Variants in ANO1 observed in about 807,000 individuals in gnomAD.
ANO1 encodes anoctamin 1, also known as anoctamin-1.
In ANO1, 59 loss-of-function variants were observed where a neutral mutation model predicts 124.0. The ratio of observed to expected loss-of-function variants is 0.48; its 90% confidence interval spans 0.39 to 0.59. The LOEUF (loss-of-function observed/expected upper bound fraction) is 0.59. ANO1 is among the 20% of genes least tolerant of loss of function. The pLI is 0.00. For synonymous variants in ANO1, 529 were observed against 532.0 expected (o/e 0.99, Z 0.08); for missense variants, 1,059 against 1,328.0 (o/e 0.80, Z 3.15).
rs369086316 is a variant in ANO1 at position 70,085,355 on chromosome 11, C to T, written c.109-2397C>T. 1.0e-4 allele frequency: 146 copies of T among 1,438,524 alleles called. 1 individual carries two copies. The African/African-American group carries it at 1.6e-3, about 16-fold the overall frequency. The allele number at this position is 1,438,524 out of a possible 1,614,324, so 89.1% of individuals were successfully genotyped here. ...CTCCCAAGCCACCCACCCACATGGG[C>T]GTGGTCGTGGCCCCTAAGCACCCTC... On this transcript the variant is annotated intron_variant, in intron 1 of 25. Transcript: ENST00000355303.
At chr11:70,107,495 G>GAGGGGGGGGGGGGT (rs1565206946) in intron 5 of ANO1, among the ~76,000 whole-genome samples, 1 of 121,376 alleles carries the variant, frequency 8.2e-6, no homozygotes, top group African/African-American at 2.9e-5. Context: ...GGAGGCGGCG[G>GAGGGGGGGGGGGGT]GGCGGGGAAG....
At chr11:70,004,873 G>A (rs1290612441) in intron 1 of ANO1, among the ~76,000 whole-genome samples, 1 of 152,134 alleles carries the variant, frequency 6.6e-6, no homozygotes, top group East Asian at 1.9e-4. Flanking sequence ...AACACTTTGG[G>A]AGTCCCAGGT....
intron 15 of ANO1, among the ~76,000 whole-genome samples, chr11:70,156,499 C>G (rs773425888): frequency 6.6e-6 from 1 of 152,158 alleles, no homozygotes; most frequent in Non-Finnish European, 1.5e-5. Flanking sequence ...GTAGTGCTAG[C>G]TGCTTGTTTC....
intron 11 of ANO1, among the ~76,000 whole-genome samples, chr11:70,147,826 C>A (rs1172731765): frequency 6.6e-6 from 1 of 152,174 alleles, no homozygotes; most frequent in Admixed American, 6.5e-5. Flanking sequence ...TCCTGCCATC[C>A]TGAAACGGAT....
intron 1 of ANO1, among the ~76,000 whole-genome samples, chr11:70,031,935 C>T (rs1857009029): frequency 6.6e-6 from 1 of 152,186 alleles, no homozygotes; most frequent in Non-Finnish European, 1.5e-5. Flanking sequence ...GCACCGGTCC[C>T]CTCACTGGCA....
intron 1 of ANO1, among the ~76,000 whole-genome samples, chr11:70,062,333 T>A (rs574752258): frequency 9.9e-5 from 15 of 152,284 alleles, no homozygotes; most frequent in Non-Finnish European, 2.1e-4. Flanking sequence ...CGCTTCGGCC[T>A]CCCGCAGTGC....
At chr11:70,135,790 A>C (rs1164748167) in intron 11 of ANO1, among the ~76,000 whole-genome samples, 3 of 152,236 alleles carry the variant, frequency 2.0e-5, no homozygotes, top group African/African-American at 7.2e-5. Flanking sequence ...CTTGGGCTGT[A>C]ATGATCCCAT....
chr11:70,067,814 A>T (rs1274171421), intron 1 of ANO1, among the ~76,000 whole-genome samples: 1 of 151,960 alleles, frequency 6.6e-6, no homozygotes, highest in African/African-American at 2.4e-5. Flanking sequence ...GTTACCAGTG[A>T]CCGTTTAGGA....
the ANO1 span, among the ~76,000 whole-genome samples, chr11:69,966,888 G>A: frequency 8.6e-4 from 131 of 152,254 alleles, no homozygotes; most frequent in African/African-American, 3.1e-3. Flanking sequence ...CACCTTCTAG[G>A]GTGGCAAACA....
In ANO1 at chr11:70,163,321, G is replaced by A. The variant is rs371196052; in HGVS notation, c.1931G>A (p.Arg644His). 85 of 1,613,980 alleles carry A rather than the reference G, an allele frequency of 5.3e-5. 1 individual carries two copies. The South Asian group carries it at 6.5e-4, about 12-fold the overall frequency. ...GRPGDYVYIFRSFRMEECAPG... is the reference protein window; with the variant it reads ...GRPGDYVYIFHSFRMEECAPG... ...CCGGGCGACTACGTGTACATTTTCCGTTCCTTCCGAATGGAAGAGGTAACC... is the reference window on the plus strand; with the variant it reads ...CCGGGCGACTACGTGTACATTTTCCATTCCTTCCGAATGGAAGAGGTAACC... The change falls in exon 19 of 26, where the codon CGT becomes CAT. Residue 644 changes from arginine (R) to histidine (H), a missense_variant. This residue lies in a region of ANO1 where 809 missense variants were observed against 1,094.9 expected (regional missense o/e 0.74). Coordinates refer to ENST00000355303, the MANE Select transcript of ANO1 (RefSeq NM_018043.7).
At chr11:69,985,480 C>T (rs1856019763), upstream of ANO1, among the ~76,000 whole-genome samples, 1 of 152,184 alleles carries the variant, frequency 6.6e-6, no homozygotes, top group Non-Finnish European at 1.5e-5. Flanking sequence ...GGGGTCCTGC[C>T]GCCTGGGGGA....
chr11:69,966,512 G>A, the ANO1 span, among the ~76,000 whole-genome samples: 64 of 152,338 alleles, frequency 4.2e-4, no homozygotes, highest in African/African-American at 1.5e-3. Flanking sequence ...CTGCGTCGCC[G>A]GGTGGGGTGG....
chr11:70,029,167 AC>A (rs1856958679), intron 1 of ANO1, among the ~76,000 whole-genome samples: 1 of 152,192 alleles, frequency 6.6e-6, no homozygotes, highest in African/African-American at 2.4e-5. Context: ...CACAAGCTTC[AC>A]TGGGGTGATG....
chr11:70,155,821 C>A, intron 14 of ANO1, 90 bp from the exon 15 acceptor site: 2 of 1,261,222 alleles, frequency 1.6e-6, no homozygotes, highest in Non-Finnish European at 2.1e-6. Context: ...AGCCTGCTGC[C>A]AAGATGGGGA....
At chr11:70,043,231 G>C (rs1012408335) in intron 1 of ANO1, among the ~76,000 whole-genome samples, 1 of 152,050 alleles carries the variant, frequency 6.6e-6, no homozygotes, top group Admixed American at 6.6e-5. Flanking sequence ...GATAGGGTAC[G>C]GCAGAAGAAA....
chr11:70,149,824 C>T (rs1300168315), intron 12 of ANO1, 32 bp downstream of exon 12: 1 of 1,606,402 alleles, frequency 6.2e-7, no homozygotes, highest in Admixed American at 1.7e-5. Flanking sequence ...CATATCACGC[C>T]CTTCCCCCAC....
At position 70,095,299 on chromosome 11, in the gene ANO1, G is replaced by A. The variant is rs4980586; in HGVS notation, c.441+7215G>A. ...AGGAAGGAAGGAAGGAAGGAAGGAA[G>A]GAAAGAAAGAAAGAAAGAAAGGAAA... On this transcript the variant is annotated intron_variant, in intron 2 of 25. Coordinates refer to ENST00000355303, the MANE Select transcript of ANO1 (RefSeq NM_018043.7). Among the ~76,000 whole-genome samples the A allele has an allele frequency of 8.6e-3, 433 of 50,536 alleles. 3 individuals are homozygous for A. The highest frequency in any genetic ancestry group is 0.016 in the East Asian group (32 of 1,972). The allele number at this position is 50,536 out of a possible 152,430, so 33.2% of individuals were successfully genotyped here. A position where few individuals can be genotyped will look rare whatever the true frequency, so the allele number is the denominator to read the frequency against.
At chr11:70,013,760 C>A (rs1398000157) in intron 1 of ANO1, among the ~76,000 whole-genome samples, 1 of 127,748 alleles carries the variant, frequency 7.8e-6, no homozygotes, top group Admixed American at 8.1e-5. Flanking sequence ...CGAGATCGCG[C>A]CACTGCACTC....
Position 70,185,706 on chromosome 11 carries a change from TC to T in ANO1, c.2694+14del, listed in dbSNP as rs2049093278. The T allele has an allele frequency of 6.2e-7, 1 of 1,612,994 alleles. No individual in the cohort carries two copies. The highest frequency in any genetic ancestry group is 1.3e-5 in the African/African-American group (1 of 75,016). On this transcript the variant is annotated intron_variant, in intron 25 of 25. Coordinates refer to ENST00000355303, the MANE Select transcript of ANO1 (RefSeq NM_018043.7). ...GTCATCGTCTTCCAGGTGCGGTGGG[TC>T]CCTCTTTGTTTCCGGTTTGAAGATG...
Sources: gnomAD v4.1 joint callset for allele counts (sites outside exome capture counted in the v4.1 genomes callset) on GRCh38, gnomAD v4.1.1 for gene constraint, gnomAD v4.1.1 regional missense constraint, MANE v1.5 for transcripts, NCBI Gene and HGNC (gene_info 2026-07-23, HGNC 2026-07-21) for gene names.